The following TNPO1 variants were observed in gnomAD, a reference collection of about 807,000 sequenced individuals.
TNPO1 encodes transportin 1, also known as transportin-1.
In TNPO1, 8 loss-of-function variants were observed where a neutral mutation model predicts 119.5. The observed-to-expected ratio is 0.07, with a 90% CI of 0.04 to 0.12. The LOEUF is 0.12. Ranked by LOEUF, TNPO1 falls within the 10% of genes least tolerant of loss-of-function variation. The probability of loss-of-function intolerance (pLI) is 1.00; values close to 1 mark genes in which losing one functional copy is unlikely to be tolerated. For synonymous variants in TNPO1, 362 were observed against 363.0 expected, an observed-to-expected ratio of 1.00 and a Z score of 0.03; for missense variants, 576 against 1,089.8, an observed-to-expected ratio of 0.53 and a Z score of 6.64.
intron 1 of TNPO1, 38 bp downstream of exon 1, chr5:72,816,790 G>C: frequency 1.9e-6 from 3 of 1,569,108 alleles, no homozygotes; most frequent in Non-Finnish European, 2.6e-6. Context: ...GAACTGCAGG[G>C]GCGGGAACGG....
At chr5:72,903,820 C>A in intron 23 of TNPO1, 37 bp downstream of exon 23, 1 of 1,330,434 alleles carries the variant, frequency 7.5e-7, no homozygotes, top group Non-Finnish European at 1.1e-6. Context: ...CATCTTGAGA[C>A]TGTTAATATC....
intron 3 of TNPO1, among the ~76,000 whole-genome samples, chr5:72,853,524 A>G (rs960906430): frequency 6.6e-6 from 1 of 152,246 alleles, no homozygotes; most frequent in Non-Finnish European, 1.5e-5. Context: ...TTACAAAACC[A>G]TAAAATGTTG....
At chr5:72,848,126 A>C (rs934107052) in intron 1 of TNPO1, 2 of 1,165,176 alleles carry the variant, frequency 1.7e-6, no homozygotes, top group Non-Finnish European at 1.1e-6. Flanking sequence ...GCGGTGACTC[A>C]GTCTGGTCGG....
In TNPO1 at chr5:72,821,462, A is replaced by G. The variant is rs568145894; in HGVS notation, c.15+4710A>G. Among the ~76,000 whole-genome samples the G allele has an allele frequency of 1.1e-4, 17 of 152,352 alleles. No individual in the cohort carries two copies. The South Asian group carries it at 3.5e-3, about 32-fold the overall frequency. ...CCAACAAGATTTTAAAGATAAGAAT[A>G]TAAAAGTACAGAACTATTGATTATT... On this transcript the variant is annotated intron_variant, in intron 1 of 24. Coordinates refer to ENST00000337273, the MANE Select transcript of TNPO1 (RefSeq NM_002270.4).
chr5:72,870,717 T>C (rs1326627495), intron 6 of TNPO1, among the ~76,000 whole-genome samples: 1 of 152,188 alleles, frequency 6.6e-6, no homozygotes. Context: ...TAAAAATGGT[T>C]TGGGGAGGCT....
intron 9 of TNPO1, chr5:72,878,544 A>G (rs557013015): frequency 6.6e-6 from 1 of 151,172 alleles, no homozygotes; most frequent in East Asian, 2.0e-4. Flanking sequence ...CTATTTTCAT[A>G]TGGTCAACTG....
chr5:72,861,359 GT>G (rs1471016256), intron 4 of TNPO1, among the ~76,000 whole-genome samples: 1 of 152,154 alleles, frequency 6.6e-6, no homozygotes, highest in Admixed American at 6.5e-5. Flanking sequence ...TTTATGTGAG[GT>G]TTTTTTTCCA....
chr5:72,896,337 T>G (rs1025833121), intron 18 of TNPO1, 121 bp from the exon 19 acceptor site: 4 of 531,982 alleles, frequency 7.5e-6, no homozygotes, highest in Non-Finnish European at 1.3e-5. Context: ...TGCAGTAATT[T>G]TTTTAATGGT....
chr5:72,859,594 G>C (rs1424938994), intron 4 of TNPO1, among the ~76,000 whole-genome samples: 1 of 152,180 alleles, frequency 6.6e-6, no homozygotes, highest in African/African-American at 2.4e-5. Flanking sequence ...CTATTTGGAA[G>C]GGACCACATC....
intron 1 of TNPO1, among the ~76,000 whole-genome samples, chr5:72,819,556 G>A (rs956481709): frequency 6.6e-6 from 1 of 152,124 alleles, no homozygotes; most frequent in African/African-American, 2.4e-5. Context: ...GGAGTAGATA[G>A]AATACATATA....
In TNPO1 at chr5:72,848,370, T is replaced by C; in HGVS notation, c.16-15T>C. 1 of 1,608,862 alleles carries C rather than the reference T, an allele frequency of 6.2e-7. No homozygotes were observed. The highest frequency in any genetic ancestry group is 2.3e-5 in the East Asian group (1 of 44,426). ...CAGTTGCTCCGTCTCTTCCTGTGTC[T>C]GGCTTTATTTGCAGCAAACCAAGAT... On this transcript the variant is annotated splice_polypyrimidine_tract_variant and intron_variant, in intron 1 of 24. Transcript: ENST00000337273.
chr5:72,900,914 A>C, intron 21 of TNPO1, 60 bp from the exon 22 acceptor site: 3 of 1,106,594 alleles, frequency 2.7e-6, no homozygotes, highest in Non-Finnish European at 4.1e-6. Context: ...ACTGTCCATT[A>C]GTATTGTCAT....
chr5:72,860,173 A>G (rs1245701052), intron 4 of TNPO1, among the ~76,000 whole-genome samples: 1 of 152,220 alleles, frequency 6.6e-6, no homozygotes, highest in Non-Finnish European at 1.5e-5. Flanking sequence ...GAAAATTTAT[A>G]CACATGGTGA....
intron 5 of TNPO1, among the ~76,000 whole-genome samples, chr5:72,864,386 G>T (rs1746725055): frequency 6.6e-6 from 1 of 152,104 alleles, no homozygotes; most frequent in Admixed American, 6.6e-5. Context: ...GCATCAAGTT[G>T]CCGCTGATGG....
chr5:72,905,200 G>A, intron 23 of TNPO1, 103 bp from the exon 24 acceptor site: 1 of 870,980 alleles, frequency 1.1e-6, no homozygotes, highest in Non-Finnish European at 1.8e-6. Context: ...ACTTTAAAAT[G>A]GATAAAATTT....
intron 1 of TNPO1, among the ~76,000 whole-genome samples, chr5:72,824,594 G>T (rs1018619147): frequency 4.6e-5 from 7 of 152,130 alleles, no homozygotes; most frequent in Non-Finnish European, 5.9e-5. Context: ...GACGTCACAC[G>T]TTCCTGGTTA....
At position 72,893,234 on chromosome 5, in the gene TNPO1, T is replaced by A. The variant is rs1315737911; in HGVS notation, c.1884T>A (p.Leu628=). 1 of 1,612,372 alleles carries A rather than the reference T, an allele frequency of 6.2e-7. No individual in the cohort carries two copies. The highest frequency in any genetic ancestry group is 1.1e-5 in the South Asian group (1 of 90,440). Residue 628 remains leucine (L), a synonymous_variant, in exon 16 of 25, where the codon CTT becomes CTA. Transcript: ENST00000337273. ...GTGTAAACCTAGTACAGAAGACTCT[T>A]GCACAAGCCATGGTAATTTTTTTAA... ...QRCVNLVQKT[L]AQAMLNNAQP... is the part of the protein sequence containing the mutation.
chr5:72,844,941 T>G (rs1246539650), intron 1 of TNPO1, among the ~76,000 whole-genome samples: 1 of 152,246 alleles, frequency 6.6e-6, no homozygotes, highest in Non-Finnish European at 1.5e-5. Flanking sequence ...AAAAACTTAC[T>G]CATGAGTAAG....
chr5:72,909,550 A>C lies in TNPO1; in HGVS notation c.*877A>C, dbSNP rs1213238508. The C allele has an allele frequency of 6.6e-6, 1 of 152,234 alleles. No individual in the cohort carries two copies. Among genetic ancestry groups the C allele is most frequent in the East Asian group, 1.9e-4 (1 of 5,196 alleles). The allele number at this position is 152,234 out of a possible 1,614,324, so 9.4% of individuals were successfully genotyped here. A position where few individuals can be genotyped will look rare whatever the true frequency, so the allele number is the denominator to read the frequency against. On this transcript the variant is annotated 3_prime_UTR_variant, in exon 25 of 25. Coordinates refer to ENST00000337273, the MANE Select transcript of TNPO1 (RefSeq NM_002270.4). ...AGTGCAGTTTAAGGTTCAGGCATGC[A>C]TTCTGGCTCATAGTGGTTGAAAGTA...
Sources: allele counts gnomAD v4.1 joint callset (sites outside exome capture counted in the v4.1 genomes callset), GRCh38; gene constraint gnomAD v4.1.1; transcripts MANE v1.5; gene names NCBI Gene and HGNC (gene_info 2026-07-23, HGNC 2026-07-21).